Variants in CA8 observed in about 807,000 individuals in gnomAD.
CA8 encodes carbonic anhydrase-related protein.
A neutral mutation model predicts 41.4 loss-of-function variants in CA8; 22 were observed. The observed-to-expected ratio is 0.53, with a 90% CI of 0.38 to 0.76. The LOEUF (loss-of-function observed/expected upper bound fraction) is 0.76, where lower values mean the gene tolerates loss of function less well. Ranked by LOEUF, CA8 falls within the 30% of genes least tolerant of loss-of-function variation. CA8 has a pLI of 0.00. For missense variants in CA8, 270 were observed against 352.8 expected, an observed-to-expected ratio of 0.77 and a Z score of 1.88; for synonymous variants, 121 against 130.6, an observed-to-expected ratio of 0.93 and a Z score of 0.50.
intron 3 of CA8, among the ~76,000 whole-genome samples, chr8:60,235,627 G>A (rs1807803777): frequency 6.6e-6 from 1 of 152,082 alleles, no homozygotes; most frequent in Non-Finnish European, 1.5e-5. Context: ...ATTAATTAGT[G>A]CTGGTTCTGT....
intron 3 of CA8, among the ~76,000 whole-genome samples, chr8:60,235,723 T>G (rs1807807084): frequency 6.6e-6 from 1 of 152,200 alleles, no homozygotes; most frequent in Non-Finnish European, 1.5e-5. Flanking sequence ...AGAGGGTACA[T>G]AAGTCTGGCA....
At chr8:60,241,447 A>T (rs555309873) in intron 3 of CA8, among the ~76,000 whole-genome samples, 3 of 152,338 alleles carry the variant, frequency 2.0e-5, no homozygotes, top group South Asian at 4.1e-4. Flanking sequence ...AGTGCTATGT[A>T]ATTTATAAAA....
At chr8:60,229,326 G>T (rs888997972) in intron 4 of CA8, among the ~76,000 whole-genome samples, 1 of 152,164 alleles carries the variant, frequency 6.6e-6, no homozygotes, top group African/African-American at 2.4e-5. Flanking sequence ...CCTTTCAAGT[G>T]GACGCCATGC....
chr8:60,259,108 G>A (rs1290869651), intron 3 of CA8, among the ~76,000 whole-genome samples: 1 of 152,192 alleles, frequency 6.6e-6, no homozygotes, highest in Non-Finnish European at 1.5e-5. Flanking sequence ...ACTTTGGATG[G>A]ATGGATGGGT....
chr8:60,229,886 C>T (rs1807579667), intron 4 of CA8, among the ~76,000 whole-genome samples: 1 of 152,148 alleles, frequency 6.6e-6, no homozygotes, highest in Non-Finnish European at 1.5e-5. Flanking sequence ...CCTCCTAAAT[C>T]ATCTGCTCTC....
rs1768031803 is a variant in CA8, at chr8:60,187,723, T to C, written c.*2298A>G. 1.3e-5 allele frequency: 2 copies of C among 152,214 alleles called. No individual in the cohort carries two copies. Among genetic ancestry groups the C allele is most frequent in the African/African-American group, 4.8e-5 (2 of 41,466 alleles). The allele number at this position is 152,214 out of a possible 1,614,324, so 9.4% of individuals were successfully genotyped here. ...CAGAGGCACTTACATGTGTATAAGC[T>C]ACATGAAAAATCATTTCACTTTGTT... On this transcript the variant is annotated 3_prime_UTR_variant, in exon 9 of 9. Coordinates refer to ENST00000317995, the MANE Select transcript of CA8 (RefSeq NM_004056.6).
chr8:60,262,623 C>T (rs979766905), intron 3 of CA8, among the ~76,000 whole-genome samples: 1 of 152,220 alleles, frequency 6.6e-6, no homozygotes, highest in African/African-American at 2.4e-5. Context: ...GAAGCTGAGG[C>T]AGGAGGGTCC....
At chr8:60,269,292 T>C (rs1033098243) in intron 2 of CA8, among the ~76,000 whole-genome samples, 2 of 152,210 alleles carry the variant, frequency 1.3e-5, no homozygotes, top group African/African-American at 2.4e-5. Context: ...CCTACATTTA[T>C]GAAAATCAAA....
rs1299178144 is a variant in CA8 at position 60,188,400 on chromosome 8, T to C, written c.*1621A>G. 1 of 152,168 alleles carries C rather than the reference T, an allele frequency of 6.6e-6. No individual in the cohort carries two copies. Among genetic ancestry groups the C allele is most frequent in the East Asian group, 1.9e-4 (1 of 5,192 alleles). The allele number at this position is 152,168 out of a possible 1,614,324, so 9.4% of individuals were successfully genotyped here. A position where few individuals can be genotyped will look rare whatever the true frequency, so the allele number is the denominator to read the frequency against. ...GGCTGGTACCTGTGCAGTGTTTTGT[T>C]CCAGGAATGCCATATGAATGGCCTC... On this transcript the variant is annotated 3_prime_UTR_variant, in exon 9 of 9. Coordinates refer to ENST00000317995, the MANE Select transcript of CA8 (RefSeq NM_004056.6).
At chr8:60,280,218 A>G (rs1804366511) in intron 1 of CA8, among the ~76,000 whole-genome samples, 1 of 152,206 alleles carries the variant, frequency 6.6e-6, no homozygotes, top group African/African-American at 2.4e-5. Context: ...TATTAGTTCA[A>G]TTACGTTCAG....
chr8:60,245,455 T>A (rs952422044), intron 3 of CA8, among the ~76,000 whole-genome samples: 3 of 152,198 alleles, frequency 2.0e-5, no homozygotes, highest in Non-Finnish European at 4.4e-5. Context: ...CTAATCCAAC[T>A]CACTTGTTGC....
chr8:60,208,921 T>A lies in CA8; in HGVS notation c.739-2A>T. 1 of 1,613,884 alleles carries A rather than the reference T, an allele frequency of 6.2e-7. No individual in the cohort carries two copies. Among genetic ancestry groups the A allele is most frequent in the Non-Finnish European group, 8.5e-7 (1 of 1,179,956 alleles). ...CCTCAGCCTTCGAAATTCTTCTATC[T>A]GAAAATAAAAGCAGAAGAAAATAGA... On this transcript the variant is annotated splice_acceptor_variant, in intron 7 of 8. Transcript: ENST00000317995. LOFTEE classifies it high-confidence loss of function.
At chr8:60,272,577 G>A (rs1235206104) in intron 2 of CA8, among the ~76,000 whole-genome samples, 1 of 152,012 alleles carries the variant, frequency 6.6e-6, no homozygotes, top group Middle Eastern at 3.2e-3. Flanking sequence ...TATCCTTTGT[G>A]CAAGCTGTCC....
intron 3 of CA8, among the ~76,000 whole-genome samples, chr8:60,255,497 A>G (rs1298699233): frequency 6.6e-6 from 1 of 152,208 alleles, no homozygotes; most frequent in Non-Finnish European, 1.5e-5. Context: ...AAAATGCATT[A>G]ACTCTGGAGC....
intron 7 of CA8, among the ~76,000 whole-genome samples, chr8:60,213,456 T>G (rs554528940): frequency 1.3e-5 from 2 of 152,184 alleles, no homozygotes; most frequent in African/African-American, 2.4e-5. Flanking sequence ...TACAAGCAAT[T>G]AAAAATAACA....
At chr8:60,251,615 G>T (rs1207318318) in intron 3 of CA8, among the ~76,000 whole-genome samples, 1 of 152,112 alleles carries the variant, frequency 6.6e-6, no homozygotes, top group African/African-American at 2.4e-5. Context: ...ATATTATTCT[G>T]AAAAATAACA....
chr8:60,254,276 AC>A (rs1394542784), intron 3 of CA8, among the ~76,000 whole-genome samples: 9 of 152,110 alleles, frequency 5.9e-5, no homozygotes, highest in African/African-American at 2.2e-4. Context: ...CAGACTCAAA[AC>A]TCAGTAAACA....
At chr8:60,270,543 G>A (rs1422559910) in intron 2 of CA8, among the ~76,000 whole-genome samples, 1 of 152,126 alleles carries the variant, frequency 6.6e-6, no homozygotes, top group Non-Finnish European at 1.5e-5. Flanking sequence ...AGTCTCCCTA[G>A]TAGCAGAGAT....
At chr8:60,275,586 G>C (rs1374722573) in intron 2 of CA8, among the ~76,000 whole-genome samples, 2 of 151,704 alleles carry the variant, frequency 1.3e-5, no homozygotes, top group Non-Finnish European at 2.9e-5. Context: ...AAATCTACTA[G>C]AAAGTAGAAG....
Sources: allele counts gnomAD v4.1 joint callset (sites outside exome capture counted in the v4.1 genomes callset), GRCh38; gene constraint gnomAD v4.1.1; transcripts MANE v1.5; gene names NCBI Gene and HGNC (gene_info 2026-07-23, HGNC 2026-07-21).